The following PRKAR1A variants were observed in gnomAD, a reference collection of about 807,000 sequenced individuals.
PRKAR1A encodes cAMP-dependent protein kinase type I-alpha regulatory subunit.
In PRKAR1A, 3 loss-of-function variants were observed where a neutral mutation model predicts 52.0. The ratio of observed to expected loss-of-function variants is 0.06; its 90% CI spans 0.03 to 0.15. PRKAR1A has a LOEUF of 0.15. Ranked by LOEUF, PRKAR1A falls within the 10% of genes least tolerant of loss-of-function variation. PRKAR1A has a pLI of 1.00. For missense variants in PRKAR1A, 240 were observed against 477.4 expected (o/e 0.50, Z 4.63); for synonymous variants, 188 against 168.4 (o/e 1.12, Z -0.90).
rs774277428 is a variant in PRKAR1A at position 68,515,475 on chromosome 17, A to G, written c.76A>G (p.Asn26Asp). The stretch of plus-strand genomic sequence containing the variant: ...ATGTGAGCTCTACGTCCAGAAGCAT[A>G]ACATTCAAGCGCTGCTCAAAGATTC... ...RECELYVQKH[N>D]IQALLKDSIV... The change falls in exon 2 of 11, where the codon AAC (asparagine) becomes GAC (aspartate). Residue 26 changes from asparagine (N) to aspartate (D), a missense_variant. Coordinates refer to ENST00000589228, the MANE Select transcript of PRKAR1A (RefSeq NM_002734.5). 3.1e-6 allele frequency: 5 copies of G among 1,613,592 alleles called. No individual in the cohort carries two copies. In the African/African-American group the frequency reaches 4.0e-5, roughly 13 times the overall value.
At chr17:68,431,493 A>G in the PRKAR1A span, among the ~76,000 whole-genome samples, 1 of 151,960 alleles carries the variant, frequency 6.6e-6, no homozygotes, top group African/African-American at 2.4e-5. Flanking sequence ...GGGGGACGGG[A>G]GGAGCTGGGA....
chr17:68,536,470 A>G, downstream of PRKAR1A: 1 of 454,080 alleles, frequency 2.2e-6, no homozygotes, highest in South Asian at 1.6e-5. Context: ...TCCCTACTAC[A>G]CTTTCTTCTA....
At chr17:68,440,121 G>C in the PRKAR1A span, among the ~76,000 whole-genome samples, 1 of 152,180 alleles carries the variant, frequency 6.6e-6, no homozygotes, top group Non-Finnish European at 1.5e-5. Context: ...GGCATACTCT[G>C]ACACATACCA....
chr17:68,444,294 G>A, the PRKAR1A span, among the ~76,000 whole-genome samples: 1 of 152,134 alleles, frequency 6.6e-6, no homozygotes, highest in Non-Finnish European at 1.5e-5. Flanking sequence ...GCAATGAAGG[G>A]CACACAGCCC....
chr17:68,463,912 T>C, the PRKAR1A span, among the ~76,000 whole-genome samples: 1 of 152,220 alleles, frequency 6.6e-6, no homozygotes, highest in African/African-American at 2.4e-5. Flanking sequence ...CAATTCACTT[T>C]AGCACGTTCA....
At chr17:68,539,369 G>T (rs746449968) in intron 11 of PRKAR1A, 1 of 1,614,212 alleles carries the variant, frequency 6.2e-7, no homozygotes, top group Non-Finnish European at 8.5e-7. Flanking sequence ...AGAGGATGGA[G>T]ATTTCATCAT....
At chr17:68,509,297 C>T (rs2085233695), upstream of PRKAR1A, among the ~76,000 whole-genome samples, 2 of 152,236 alleles carry the variant, frequency 1.3e-5, no homozygotes, top group South Asian at 4.2e-4. Flanking sequence ...AGCAATCCTC[C>T]CAGTACATGC....
the PRKAR1A span, among the ~76,000 whole-genome samples, chr17:68,486,510 T>TTCCTTCC: frequency 5.5e-4 from 21 of 38,124 alleles, no homozygotes; most frequent in African/African-American, 1.8e-3. Flanking sequence ...TCCTTCCTTC[T>TTCCTTCC]TTCTTTCTTT....
chr17:68,487,555 C>T, the PRKAR1A span, among the ~76,000 whole-genome samples: 1 of 152,128 alleles, frequency 6.6e-6, no homozygotes, highest in Non-Finnish European at 1.5e-5. Flanking sequence ...AATCCCTGCA[C>T]TTTGGGGGGC....
At chr17:68,475,976 T>TG in the PRKAR1A span, among the ~76,000 whole-genome samples, 2 of 152,174 alleles carry the variant, frequency 1.3e-5, no homozygotes, top group South Asian at 2.1e-4. Flanking sequence ...GTTGATTTTT[T>TG]GGGGGGGTTA....
Position 68,530,529 on chromosome 17 carries a change from G to C in PRKAR1A, c.*80G>C, listed in dbSNP as rs1218384641. 1.1e-5 allele frequency: 18 copies of C among 1,611,056 alleles called. No homozygotes were observed. The highest frequency in any genetic ancestry group is 5.3e-5 in the African/African-American group (4 of 74,828). On this transcript the variant is annotated 3_prime_UTR_variant, in exon 11 of 11. Transcript: ENST00000589228. ...GCAAACTGCTTTATTTTCCCTACTT[G>C]CAGCGCCAAGTGGCCACTGGCATCG... is the stretch of plus-strand genomic sequence containing the variant.
At chr17:68,467,819 C>T in the PRKAR1A span, among the ~76,000 whole-genome samples, 2 of 152,170 alleles carry the variant, frequency 1.3e-5, no homozygotes, top group South Asian at 2.1e-4. Context: ...ATGATTGCTT[C>T]CAAACTTAGC....
At chr17:68,445,181 A>G in the PRKAR1A span, among the ~76,000 whole-genome samples, 1 of 151,900 alleles carries the variant, frequency 6.6e-6, no homozygotes, top group African/African-American at 2.4e-5. Flanking sequence ...CGGCCTCCCA[A>G]AGTGCTGGGA....
At chr17:68,455,300 G>A in the PRKAR1A span, among the ~76,000 whole-genome samples, 2 of 149,780 alleles carry the variant, frequency 1.3e-5, no homozygotes, top group African/African-American at 4.9e-5. Flanking sequence ...GGAGGCAGAG[G>A]CTGCACTGAG....
chr17:68,546,825 G>A (rs966651101), intron 11 of PRKAR1A, among the ~76,000 whole-genome samples: 7 of 124,712 alleles, frequency 5.6e-5, no homozygotes, highest in African/African-American at 1.4e-4. Context: ...GCGAGACTAC[G>A]GCTCAAAAAA....
chr17:68,488,734 C>CAAAA, the PRKAR1A span, among the ~76,000 whole-genome samples: 13 of 42,794 alleles, frequency 3.0e-4, no homozygotes, highest in Admixed American at 1.1e-3. Context: ...CATCTCAAAA[C>CAAAA]AAAAAAAAAA....
At chr17:68,539,190 A>G in intron 11 of PRKAR1A, 1 of 734,798 alleles carries the variant, frequency 1.4e-6, no homozygotes, top group Non-Finnish European at 2.4e-6. Flanking sequence ...CAGTGCACAA[A>G]TGTGTAGGAA....
chr17:68,511,532 GAGGTC>G (rs1465026505), upstream of PRKAR1A, among the ~76,000 whole-genome samples: 2 of 152,232 alleles, frequency 1.3e-5, no homozygotes, highest in Non-Finnish European at 2.9e-5. Context: ...CTCCCTCTGT[GAGGTC>G]AGGAGTGATG....
At chr17:68,461,803 C>T in the PRKAR1A span, among the ~76,000 whole-genome samples, 3 of 152,074 alleles carry the variant, frequency 2.0e-5, no homozygotes, top group African/African-American at 7.2e-5. This position sits in a 1 kb window ranked among gnomAD's most constrained non-coding sequence, Gnocchi z 4.6. Context: ...CTCAAGGAGT[C>T]AGCCCTATGG....
Sources: allele counts gnomAD v4.1 joint callset (sites outside exome capture counted in the v4.1 genomes callset), GRCh38; gene constraint gnomAD v4.1.1; non-coding constraint Gnocchi (gnomAD v3.1); transcripts MANE v1.5; gene names NCBI Gene and HGNC (gene_info 2026-07-23, HGNC 2026-07-21).